TSNARE1: variants seen among roughly 807,000 people sequenced by gnomAD.
TSNARE1 encodes the protein t-SNARE domain containing 1, also known as t-SNARE domain-containing protein 1.
In TSNARE1, 49 loss-of-function variants were observed where a neutral mutation model predicts 62.0. The observed-to-expected ratio is 0.79, with a 90% confidence interval of 0.63 to 1.00. The LOEUF (loss-of-function observed/expected upper bound fraction) is 1.00, where lower values mean the gene tolerates loss of function less well. Among genes scored for constraint, TSNARE1 ranks in the 50% least tolerant of loss-of-function variants. TSNARE1 has a pLI of 0.00. For synonymous variants in TSNARE1, 328 were observed against 294.4 expected (o/e 1.11, Z -1.17); for missense variants, 755 against 700.1 (o/e 1.08, Z -0.88).
chr8:142,270,238 A>G (rs1819400494), intron 12 of TSNARE1: 1 of 985,182 alleles, frequency 1.0e-6, no homozygotes, highest in African/African-American at 1.7e-5. Flanking sequence ...CCCAAGAGTC[A>G]AAGGAGGTAA....
chr8:142,324,881 C>T lies in TSNARE1; in HGVS notation c.893+6020G>A, dbSNP rs369397686. ...CCTCTGTCCGTGTTCCTAGTGACTG[C>T]GACGCCCCTGCCGGTCCCTCGGCTG... On this transcript the variant is annotated intron_variant, in intron 6 of 13. Coordinates refer to ENST00000524325, the MANE Select transcript of TSNARE1 (RefSeq NM_145003.5). Among the ~76,000 whole-genome samples the T allele has an allele frequency of 3.2e-4, 48 of 152,360 alleles. No homozygotes were observed. The East Asian group carries it at 6.0e-3, about 19-fold the overall frequency.
chr8:142,254,799 A>G (rs1290134401), intron 12 of TSNARE1, among the ~76,000 whole-genome samples: 1 of 152,192 alleles, frequency 6.6e-6, no homozygotes, highest in East Asian at 1.9e-4. Context: ...ACAGTGCTGC[A>G]GGCGGCTGCT....
Position 142,384,030 on chromosome 8 carries a change from A to T in TSNARE1, c.-40+19074T>A, listed in dbSNP as rs1026998678. ...GGGGTGCAGTGCAGCACCTGCAGAA[A>T]CATGTTCCCTGAGCATGGCCACTGA... On this transcript the variant is annotated intron_variant, in intron 1 of 13. Coordinates refer to ENST00000524325, the MANE Select transcript of TSNARE1 (RefSeq NM_145003.5). 1.9e-4 allele frequency among the ~76,000 whole-genome samples: 29 copies of T among 152,326 alleles called. No individual in the cohort carries two copies. The East Asian group carries it at 3.1e-3, about 16-fold the overall frequency.
chr8:142,277,989 C>T (rs1820779740), intron 11 of TSNARE1: 1 of 985,422 alleles, frequency 1.0e-6, no homozygotes, highest in Non-Finnish European at 1.2e-6. Flanking sequence ...GGACCCTTGG[C>T]TGCAAGAATC....
chr8:142,259,719 C>T (rs903134880), intron 12 of TSNARE1, among the ~76,000 whole-genome samples: 5 of 152,178 alleles, frequency 3.3e-5, no homozygotes, highest in Admixed American at 1.3e-4. Flanking sequence ...CCAGCACCGG[C>T]GCAGGCCCCT....
At chr8:142,279,556 G>A (rs750268322) in intron 11 of TSNARE1, among the ~76,000 whole-genome samples, 3 of 152,168 alleles carry the variant, frequency 2.0e-5, no homozygotes, top group Non-Finnish European at 2.9e-5. Flanking sequence ...GGCTTGAGGT[G>A]GCGTATATGG....
intron 4 of TSNARE1, among the ~76,000 whole-genome samples, chr8:142,341,977 A>G (rs1832646468): frequency 6.6e-6 from 1 of 152,190 alleles, no homozygotes; most frequent in Non-Finnish European, 1.5e-5. Flanking sequence ...CCCCAGTCCC[A>G]GGCCCTGCCG....
At chr8:142,397,498 G>A (rs950581579) in intron 1 of TSNARE1, among the ~76,000 whole-genome samples, 5 of 152,182 alleles carry the variant, frequency 3.3e-5, no homozygotes, top group Admixed American at 1.3e-4. Context: ...AGGGTCCCAC[G>A]GCTAAGATGT....
chr8:142,370,359 A>C (rs966427857), intron 1 of TSNARE1, among the ~76,000 whole-genome samples: 1 of 152,236 alleles, frequency 6.6e-6, no homozygotes, highest in Non-Finnish European at 1.5e-5. Context: ...ACTTGAGGCC[A>C]GAAGTTCAAG....
chr8:142,249,909 G>A (rs143670523), intron 12 of TSNARE1, among the ~76,000 whole-genome samples: 199 of 152,296 alleles, frequency 1.3e-3, no homozygotes, highest in African/African-American at 4.7e-3. Flanking sequence ...AATCACACCC[G>A]CAACCTGGGG....
intron 9 of TSNARE1, among the ~76,000 whole-genome samples, chr8:142,307,692 C>G (rs1826916341): frequency 1.3e-5 from 2 of 152,136 alleles, no homozygotes; most frequent in South Asian, 4.1e-4. Flanking sequence ...TGGTGGAATC[C>G]ATGGATGTGA....
intron 1 of TSNARE1, among the ~76,000 whole-genome samples, chr8:142,364,965 T>C (rs1311216578): frequency 6.6e-6 from 1 of 152,206 alleles, no homozygotes; most frequent in Non-Finnish European, 1.5e-5. Context: ...GTCCAACAGA[T>C]GTTAAAGCTA....
At position 142,345,742 on chromosome 8, in the gene TSNARE1, C is replaced by T; in HGVS notation, c.238+1G>A. The stretch of plus-strand genomic sequence containing the variant: ...TGAGACCCAGCGTCTGAGTGAAGTA[C>T]CTCGCTTCCTGGCCCTTGGGACAAT... On this transcript the variant is annotated splice_donor_variant, in intron 3 of 13. Coordinates refer to ENST00000524325, the MANE Select transcript of TSNARE1 (RefSeq NM_145003.5). LOFTEE classifies it high-confidence loss of function. 4 of 1,600,570 alleles carry T rather than the reference C, an allele frequency of 2.5e-6. No individual in the cohort carries two copies. Among genetic ancestry groups the T allele is most frequent in the Non-Finnish European group, 3.4e-6 (4 of 1,172,368 alleles).
intron 1 of TSNARE1, among the ~76,000 whole-genome samples, chr8:142,356,421 G>T (rs972318512): frequency 1.3e-5 from 2 of 152,238 alleles, no homozygotes; most frequent in Admixed American, 1.3e-4. Flanking sequence ...GGAGATGTCT[G>T]CTGCCCCAGG....
intron 12 of TSNARE1, chr8:142,271,775 C>T: frequency 2.1e-6 from 2 of 932,824 alleles, no homozygotes; most frequent in Non-Finnish European, 2.9e-6. Context: ...GGGAGAGTGC[C>T]CATGTGAGGC....
chr8:142,362,192 A>G (rs1036434916), intron 1 of TSNARE1, among the ~76,000 whole-genome samples: 1 of 152,196 alleles, frequency 6.6e-6, no homozygotes, highest in Admixed American at 6.5e-5. Context: ...CAGTCCCAGG[A>G]AAAGTGAGCA....
chr8:142,262,249 T>G (rs905108477), intron 12 of TSNARE1, among the ~76,000 whole-genome samples: 7 of 152,054 alleles, frequency 4.6e-5, no homozygotes, highest in Non-Finnish European at 1.0e-4. Flanking sequence ...CTATCAGAAT[T>G]TTGATTGGAA....
At chr8:142,298,936 G>A (rs548112232) in intron 10 of TSNARE1, among the ~76,000 whole-genome samples, 5 of 152,324 alleles carry the variant, frequency 3.3e-5, no homozygotes, top group African/African-American at 1.2e-4. Context: ...GGAAGGGATG[G>A]AAACCATCTC....
At chr8:142,364,419 C>T (rs1449704771) in intron 1 of TSNARE1, among the ~76,000 whole-genome samples, 1 of 152,154 alleles carries the variant, frequency 6.6e-6, no homozygotes, top group Non-Finnish European at 1.5e-5. Context: ...CAGGCACACT[C>T]ATTTACATAG....
Sources: gnomAD v4.1 joint callset for allele counts (sites outside exome capture counted in the v4.1 genomes callset) on GRCh38, gnomAD v4.1.1 for gene constraint, MANE v1.5 for transcripts, NCBI Gene and HGNC (gene_info 2026-07-23, HGNC 2026-07-21) for gene names.